RIMS2: variants seen among roughly 807,000 people sequenced by gnomAD.
RIMS2 encodes regulating synaptic membrane exocytosis 2.
In RIMS2, 59 loss-of-function variants were observed where a neutral mutation model predicts 174.4. That is an observed-to-expected ratio of 0.34 (90% CI 0.27 to 0.42). RIMS2 has a LOEUF of 0.42. Ranked by LOEUF, RIMS2 falls within the 10% of genes least tolerant of loss-of-function variation. The pLI, the probability that RIMS2 is intolerant of heterozygous loss-of-function variation, is 1.00. For synonymous variants in RIMS2, 606 were observed against 572.5 expected, an observed-to-expected ratio of 1.06 and a Z score of -0.84; for missense variants, 1,620 against 1,666.3, an observed-to-expected ratio of 0.97 and a Z score of 0.48.
chr8:103,652,114 T>C, intron 1 of RIMS2, 91 bp from the exon 2 acceptor site: 1 of 515,608 alleles, frequency 1.9e-6, no homozygotes, highest in East Asian at 6.4e-5. Flanking sequence ...AAAATTCTTA[T>C]TTTTGGTGTC....
intron 16 of RIMS2, among the ~76,000 whole-genome samples, chr8:103,979,739 C>G (rs753172335): frequency 3.3e-5 from 5 of 152,172 alleles, no homozygotes; most frequent in Non-Finnish European, 7.3e-5. Flanking sequence ...TAACCCCCAG[C>G]AACAGTTGTT....
rs1342165836 is a variant in RIMS2, at chr8:103,501,070, C to T, written c.176+8C>T. 3 of 1,566,222 alleles carry T rather than the reference C, an allele frequency of 1.9e-6. No individual in the cohort carries two copies. Among genetic ancestry groups the T allele is most frequent in the Non-Finnish European group, 2.6e-6 (3 of 1,156,124 alleles). ...GGAGCAGTCCGTGCTCAAGTAAGGA[C>T]CTGGCTCCATATTCCCGCCTCTCTC... On this transcript the variant is annotated splice_region_variant and intron_variant, in intron 1 of 23. Coordinates refer to ENST00000504942, the Ensembl canonical transcript of RIMS2.
At chr8:103,823,308 T>C (rs1156631137) in intron 3 of RIMS2, among the ~76,000 whole-genome samples, 1 of 151,932 alleles carries the variant, frequency 6.6e-6, no homozygotes, top group Non-Finnish European at 1.5e-5. Context: ...AAAATATTAG[T>C]AGACAGAAGA....
chr8:103,624,935 G>A (rs1036320998), intron 1 of RIMS2, among the ~76,000 whole-genome samples: 4 of 151,986 alleles, frequency 2.6e-5, no homozygotes, highest in South Asian at 2.1e-4. Flanking sequence ...GCCCCTTTTT[G>A]GCAGAAGAAT....
intron 4 of RIMS2, among the ~76,000 whole-genome samples, chr8:103,908,311 G>A (rs970438966): frequency 6.6e-5 from 10 of 152,142 alleles, no homozygotes; most frequent in African/African-American, 1.7e-4. Flanking sequence ...AAAGTGTTGC[G>A]ATTACAGGCG....
intron 1 of RIMS2, among the ~76,000 whole-genome samples, chr8:103,627,833 C>T (rs1011765879): frequency 1.3e-5 from 2 of 152,130 alleles, no homozygotes; most frequent in African/African-American, 4.8e-5. Context: ...AAAAAATAAT[C>T]ATTTATACCT....
intron 1 of RIMS2, among the ~76,000 whole-genome samples, chr8:103,627,379 CAT>C (rs112209550): frequency 3.2e-4 from 49 of 152,274 alleles, no homozygotes; most frequent in African/African-American, 7.2e-4. Flanking sequence ...TTCAAACACA[CAT>C]GTTTTACAAT....
chr8:104,022,287 T>G (rs1230667378), intron 19 of RIMS2, among the ~76,000 whole-genome samples: 9 of 152,158 alleles, frequency 5.9e-5, no homozygotes, highest in Non-Finnish European at 2.9e-5. Flanking sequence ...TGCTTTGAAG[T>G]TAAACTATAA....
At chr8:103,692,091 G>A (rs927962350) in intron 1 of RIMS2, among the ~76,000 whole-genome samples, 1 of 152,072 alleles carries the variant, frequency 6.6e-6, no homozygotes, top group East Asian at 1.9e-4. Flanking sequence ...ACTGCCTGGG[G>A]TTGAGGAAGA....
At position 103,838,473 on chromosome 8, in the gene RIMS2, C is replaced by T. The variant is rs141517206; in HGVS notation, c.699-46825C>T. On this transcript the variant is annotated intron_variant, in intron 3 of 23. Transcript: ENST00000504942. ...TAGGCCCAATTTTAAAGTAATATTTCCTGCCTCTTAGCATAATTTATTTTC... is the reference window on the plus strand; with the variant it reads ...TAGGCCCAATTTTAAAGTAATATTTTCTGCCTCTTAGCATAATTTATTTTC... Among the ~76,000 whole-genome samples, 206 of 152,276 alleles carry T rather than the reference C, an allele frequency of 1.4e-3. 1 individual carries two copies. Among genetic ancestry groups the T allele is most frequent in the African/African-American group, 4.6e-3 (193 of 41,550 alleles).
At chr8:103,706,743 G>A (rs959566271) in intron 2 of RIMS2, among the ~76,000 whole-genome samples, 2 of 150,086 alleles carry the variant, frequency 1.3e-5, no homozygotes, top group African/African-American at 4.8e-5. Context: ...ATGTTTGAAA[G>A]TTTGATTATT....
chr8:104,084,406 C>G (rs374517148), intron 19 of RIMS2, among the ~76,000 whole-genome samples: 129 of 142,664 alleles, frequency 9.0e-4, no homozygotes, highest in African/African-American at 3.2e-3. Flanking sequence ...CCACTGCACT[C>G]CAGCCTGGGC....
intron 3 of RIMS2, among the ~76,000 whole-genome samples, chr8:103,873,612 G>T (rs2099122459): frequency 1.3e-5 from 2 of 151,950 alleles, no homozygotes; most frequent in Non-Finnish European, 2.9e-5. Flanking sequence ...TCTCTTTCTA[G>T]CCTTAAATAG....
chr8:103,675,159 G>A (rs910922185), intron 1 of RIMS2, among the ~76,000 whole-genome samples: 4 of 152,116 alleles, frequency 2.6e-5, no homozygotes, highest in African/African-American at 7.2e-5. Context: ...TGATCTGCCC[G>A]CTTTGGCCTC....
At position 103,891,385 on chromosome 8, in the gene RIMS2, A is replaced by G. The variant is rs190061204; in HGVS notation, c.1624+5162A>G. ...TTTAGACCAAGAGAAAGGTCTAGAA[A>G]TTGGTTTCAGTGGCGAATTAATATC... On this transcript the variant is annotated intron_variant, in intron 4 of 23. Transcript: ENST00000504942. Among the ~76,000 whole-genome samples, 236 of 152,208 alleles carry G rather than the reference A, an allele frequency of 1.6e-3. 1 individual carries two copies. Among genetic ancestry groups the G allele is most frequent in the Admixed American group, 4.8e-3 (73 of 15,266 alleles).
chr8:104,227,733 C>T (rs970651861), intron 19 of RIMS2, among the ~76,000 whole-genome samples: 3 of 152,160 alleles, frequency 2.0e-5, no homozygotes, highest in African/African-American at 7.2e-5. Flanking sequence ...TTATGATCTG[C>T]CACCTTTGTT....
At chr8:103,613,898 AGTAG>A (rs1233986657) in intron 1 of RIMS2, among the ~76,000 whole-genome samples, 3 of 152,236 alleles carry the variant, frequency 2.0e-5, no homozygotes, top group Admixed American at 6.5e-5. Flanking sequence ...GCTGTGGCTG[AGTAG>A]GTATGTATTC....
rs758246953 is a variant in RIMS2, at chr8:104,249,544, G to A, written c.3647G>A (p.Arg1216Gln). ...GGACAGCTGGAGGTAGAAATCATCC[G>A]GGCCCGTGGCCTTGTTGTAAAACCA... Residue 1216 changes from arginine (R) to glutamine (Q), a missense_variant, in exon 22 of 24, where the codon CGG (arginine) becomes CAG (glutamine). Transcript: ENST00000504942. 6 of 1,612,542 alleles carry A rather than the reference G, an allele frequency of 3.7e-6. No individual in the cohort carries two copies. The highest frequency in any genetic ancestry group is 1.1e-5 in the South Asian group (1 of 91,018).
intron 17 of RIMS2, among the ~76,000 whole-genome samples, chr8:104,001,961 A>C (rs568391234): frequency 1.3e-5 from 2 of 152,054 alleles, no homozygotes; most frequent in African/African-American, 4.8e-5. Context: ...TAAACTTCAC[A>C]GTTCCTGCCA....
Sources: allele counts gnomAD v4.1 joint callset (sites outside exome capture counted in the v4.1 genomes callset), GRCh38; gene constraint gnomAD v4.1.1; transcripts MANE v1.5; gene names NCBI Gene and HGNC (gene_info 2026-07-23, HGNC 2026-07-21).